Variants in CUX1 observed in about 807,000 individuals in gnomAD.
CUX1 encodes the protein cut like homeobox 1.
Under a neutral mutation model 158.8 loss-of-function variants are expected in CUX1, and 31 were observed. That is an observed-to-expected ratio of 0.20 (90% CI 0.15 to 0.26). The LOEUF (loss-of-function observed/expected upper bound fraction) is 0.26, where lower values mean the gene tolerates loss of function less well. Ranked by LOEUF, CUX1 falls within the 10% of genes least tolerant of loss-of-function variation. CUX1 has a pLI of 1.00. For synonymous variants in CUX1, 879 were observed against 862.1 expected (o/e 1.02, Z -0.34); for missense variants, 1,589 against 2,014.6 (o/e 0.79, Z 4.04).
Position 101,990,847 on chromosome 7 carries a change from T to C in CUX1, c.142-37251T>C, listed in dbSNP as rs117153560. On this transcript the variant is annotated intron_variant, in intron 2 of 23. Coordinates refer to ENST00000292535, the MANE Select transcript of CUX1 (RefSeq NM_181552.4). The stretch of plus-strand genomic sequence containing the variant: ...CTGCTGGGCTCTGTGTCTTCTGTGA[T>C]TCTCCCCTGGCTCTGAGCCCTTTGC... 7.0e-4 allele frequency among the ~76,000 whole-genome samples: 106 copies of C among 152,316 alleles called. 2 individuals carry two copies. In the East Asian group the frequency reaches 0.019, roughly 27 times the overall value.
At chr7:101,923,874 T>C (rs566752978) in intron 2 of CUX1, among the ~76,000 whole-genome samples, 17 of 152,328 alleles carry the variant, frequency 1.1e-4, no homozygotes, top group African/African-American at 3.8e-4. Context: ...TCTTTTCCTT[T>C]CCTGGGTGCC....
rs146873248 is a variant in CUX1, at chr7:101,995,587, A to G, written c.142-32511A>G. 2.0e-4 allele frequency among the ~76,000 whole-genome samples: 30 copies of G among 152,372 alleles called. No individual in the cohort carries two copies. The East Asian group carries it at 5.8e-3, about 29-fold the overall frequency. ...GTCACCAAATAGAGAAGCAAATGCA[A>G]CAAATAATCCCACAGACCATTATAA... On this transcript the variant is annotated intron_variant, in intron 2 of 23. Coordinates refer to ENST00000292535, the MANE Select transcript of CUX1 (RefSeq NM_181552.4).
chr7:102,195,481 T>C (rs1554517971), intron 13 of CUX1, 26 bp from the exon 14 acceptor site: 2 of 1,592,182 alleles, frequency 1.3e-6, no homozygotes, highest in Non-Finnish European at 1.7e-6. Context: ...GGCCCCGCAG[T>C]GAGACCCCCG....
chr7:101,917,510 G>T (rs1291073527), intron 2 of CUX1, among the ~76,000 whole-genome samples: 16 of 152,126 alleles, frequency 1.1e-4, no homozygotes, highest in Non-Finnish European at 2.1e-4. Context: ...GGAGTCACTG[G>T]TGCTTGGGGG....
intron 21 of CUX1, among the ~76,000 whole-genome samples, chr7:102,229,664 C>T (rs113102666): frequency 3.9e-5 from 5 of 128,792 alleles, no homozygotes; most frequent in Admixed American, 2.7e-4. Flanking sequence ...CTCACTCAGG[C>T]TGGAGTGCAG....
intron 20 of CUX1, among the ~76,000 whole-genome samples, chr7:102,219,284 G>T (rs1220579126): frequency 6.6e-6 from 1 of 151,930 alleles, no homozygotes; most frequent in Non-Finnish European, 1.5e-5. Context: ...GGGGGTGGGG[G>T]GGACATTGAT....
chr7:102,127,024 A>ATGC (rs1832716153), intron 8 of CUX1, among the ~76,000 whole-genome samples: 3 of 152,164 alleles, frequency 2.0e-5, no homozygotes, highest in Non-Finnish European at 4.4e-5. Flanking sequence ...TGAGAATCTA[A>ATGC]TGCTGCTGCT....
intron 11 of CUX1, among the ~76,000 whole-genome samples, chr7:102,184,122 T>A (rs1165420747): frequency 7.9e-5 from 12 of 152,232 alleles, no homozygotes; most frequent in Admixed American, 7.9e-4. Flanking sequence ...GGTGTCGAAC[T>A]CCTGGGCTCA....
rs560189390 is a variant in CUX1, at chr7:102,202,175, G to A, written c.2878G>A (p.Gly960Ser). The A allele has an allele frequency of 6.8e-6, 11 of 1,609,844 alleles. No individual in the cohort carries two copies. The highest frequency in any genetic ancestry group is 1.7e-5 in the Admixed American group (1 of 59,814). ...RQVKEKLAKN[G>S]ICQRIFGEKV... ...GGTTAAGGAAAAGCTGGCCAAGAAC[G>A]GCATCTGCCAGAGAATCTTCGGGGA... The change falls in exon 18 of 24, where the codon GGC (glycine) becomes AGC (serine). Residue 960 changes from glycine (G) to serine (S), a missense_variant. Physicochemically the swap from Gly to Ser is moderately conservative, Grantham distance 56. Around this residue, in one of 8 missense-constraint regions of CUX1, gnomAD observed 29 missense variants for 66.6 expected, o/e 0.44. Coordinates refer to ENST00000292535, the MANE Select transcript of CUX1 (RefSeq NM_181552.4).
chr7:102,272,263 C>T (rs144478434), intron 14 of CUX1, among the ~76,000 whole-genome samples: 4 of 152,352 alleles, frequency 2.6e-5, no homozygotes, highest in Non-Finnish European at 5.9e-5. Context: ...GCCCAGGACA[C>T]TAAGCCCAGC....
chr7:102,038,737 G>T (rs1563162539), intron 3 of CUX1, among the ~76,000 whole-genome samples: 1 of 152,130 alleles, frequency 6.6e-6, no homozygotes, highest in Non-Finnish European at 1.5e-5. Flanking sequence ...AGTGGCGCTT[G>T]AGCCCAGAAG....
intron 10 of CUX1, among the ~76,000 whole-genome samples, chr7:102,176,558 C>CTTTTTTTTTTTTTTT (rs60973137): frequency 1.2e-5 from 1 of 86,730 alleles, no homozygotes; most frequent in Non-Finnish European, 2.1e-5. Context: ...GCCAGGATTC[C>CTTTTTTTTTTTTTTT]TTTTTTTTTT....
chr7:102,217,244 G>C (rs1222542205), intron 20 of CUX1, among the ~76,000 whole-genome samples: 4 of 152,154 alleles, frequency 2.6e-5, no homozygotes, highest in Non-Finnish European at 5.9e-5. Context: ...ATTTAAGCAG[G>C]GTTTTTAATT....
chr7:102,109,703 G>A (rs1157306847), intron 6 of CUX1, among the ~76,000 whole-genome samples: 1 of 151,244 alleles, frequency 6.6e-6, no homozygotes. Flanking sequence ...AGAATTGCTC[G>A]AACCCTGGAG....
chr7:102,255,775 G>A lies in CUX1; in HGVS notation c.*6733G>A, dbSNP rs962842839. 74 of 985,346 alleles carry A rather than the reference G, an allele frequency of 7.5e-5. No homozygotes were observed. In the Middle Eastern group the frequency reaches 1.6e-3, roughly 21 times the overall value. The allele number at this position is 985,346 out of a possible 1,614,324, so 61.0% of individuals were successfully genotyped here. On this transcript the variant is annotated 3_prime_UTR_variant, in exon 24 of 24. Transcript: ENST00000292535. ...TCAGCAAGACACATTGAAGTGGCAC[G>A]GAGCTGCTTTTGTTTTATAATTCTT...
intron 23 of CUX1, 59 bp downstream of exon 23, chr7:102,239,643 C>T (rs374821044): frequency 6.4e-7 from 1 of 1,552,348 alleles, no homozygotes; most frequent in Non-Finnish European, 8.7e-7. Context: ...CTGATCTGTC[C>T]GGAGGCCGCC....
chr7:101,861,892 T>A (rs969995883), intron 1 of CUX1, among the ~76,000 whole-genome samples: 1 of 151,972 alleles, frequency 6.6e-6, no homozygotes, highest in African/African-American at 2.4e-5. Flanking sequence ...TGGAGTGCAG[T>A]GGCACAATCT....
At chr7:101,944,337 G>A (rs1808105361) in intron 2 of CUX1, among the ~76,000 whole-genome samples, 1 of 152,184 alleles carries the variant, frequency 6.6e-6, no homozygotes, top group East Asian at 1.9e-4. Flanking sequence ...TTTTCCCCAG[G>A]AAGGCGTTGA....
chr7:102,162,248 C>A (rs1268517033), intron 9 of CUX1, among the ~76,000 whole-genome samples: 1 of 152,144 alleles, frequency 6.6e-6, no homozygotes, highest in East Asian at 1.9e-4. Flanking sequence ...TAGACCCCAG[C>A]CAAGCATAGA....
Sources: gnomAD v4.1 joint callset for allele counts (sites outside exome capture counted in the v4.1 genomes callset) on GRCh38, gnomAD v4.1.1 for gene constraint, gnomAD v4.1.1 regional missense constraint, MANE v1.5 for transcripts, NCBI Gene and HGNC (gene_info 2026-07-23, HGNC 2026-07-21) for gene names.